The following ARMC8 variants were observed in gnomAD, a reference collection of about 807,000 sequenced individuals.
ARMC8 encodes the protein armadillo repeat containing 8.
ARMC8 carries 20 observed loss-of-function variants against 99.3 expected under a neutral mutation model. The observed-to-expected ratio is 0.20, with a 90% CI of 0.14 to 0.29. ARMC8 has a LOEUF of 0.29. ARMC8 is among the 10% of genes least tolerant of loss of function. The pLI is 1.00. For missense variants in ARMC8, 569 were observed against 809.5 expected (o/e 0.70, Z 3.60); for synonymous variants, 263 against 278.3 (o/e 0.95, Z 0.55).
rs80059501 is a variant in ARMC8 at position 138,191,150 on chromosome 3, C to T, written c.45+3551C>T. The stretch of plus-strand genomic sequence containing the variant: ...AGAGAGTAAATTAATTCAGAAGTAA[C>T]ACTTTGTCTTGCAAATCCTAGGTAC... On this transcript the variant is annotated intron_variant, in intron 1 of 21. Coordinates refer to ENST00000469044, the MANE Select transcript of ARMC8 (RefSeq NM_001363941.2). Among the ~76,000 whole-genome samples the T allele has an allele frequency of 4.7e-3, 719 of 152,270 alleles. 4 individuals carry two copies. Among genetic ancestry groups the T allele is most frequent in the Non-Finnish European group, 7.2e-3 (491 of 68,026 alleles).
rs78337961 is a variant in ARMC8 at position 138,213,568 on chromosome 3, A to T, written c.122+3675A>T. ...AGTCACTGTGTAGGTCATAAAGCGT[A>T]GCCTTCGCAACTACAACAGAAGTAG... On this transcript the variant is annotated intron_variant, in intron 2 of 21. Transcript: ENST00000469044. Among the ~76,000 whole-genome samples the T allele has an allele frequency of 1.7e-3, 261 of 152,306 alleles. 1 individual carries two copies. The highest frequency in any genetic ancestry group is 5.9e-3 in the African/African-American group (245 of 41,552).
chr3:138,296,558 AAAG>A lies in ARMC8; in HGVS notation c.*669_*671del, dbSNP rs2051505429. ...TCTTTATATAAAAAAAAAGAAAAAA[AAAG>A]AAAAAGTTGGCTATAGTTGGCCTGA... is the stretch of plus-strand genomic sequence containing the variant. On this transcript the variant is annotated 3_prime_UTR_variant, in exon 22 of 22. Coordinates refer to ENST00000469044, the MANE Select transcript of ARMC8 (RefSeq NM_001363941.2). 6.6e-6 allele frequency: 1 copy of A among 152,182 alleles called. No homozygotes were observed. Among genetic ancestry groups the A allele is most frequent in the Non-Finnish European group, 1.5e-5 (1 of 68,034 alleles). The allele number at this position is 152,182 out of a possible 1,614,324, so 9.4% of individuals were successfully genotyped here.
intron 7 of ARMC8, among the ~76,000 whole-genome samples, chr3:138,235,501 A>T (rs928638228): frequency 6.6e-6 from 1 of 152,228 alleles, no homozygotes; most frequent in Non-Finnish European, 1.5e-5. Flanking sequence ...TCCTGCATAT[A>T]CATCAGCATT....
intron 1 of ARMC8, among the ~76,000 whole-genome samples, chr3:138,202,705 G>C (rs906296810): frequency 2.0e-5 from 3 of 152,122 alleles, no homozygotes; most frequent in Non-Finnish European, 4.4e-5. Flanking sequence ...GTCTTCAAAT[G>C]CCAAATTATT....
intron 2 of ARMC8, among the ~76,000 whole-genome samples, chr3:138,216,247 A>G (rs568770368): frequency 5.3e-5 from 8 of 152,236 alleles, no homozygotes; most frequent in East Asian, 3.9e-4. Context: ...ATAAGAATGA[A>G]CTAAATTAAA....
intron 12 of ARMC8, among the ~76,000 whole-genome samples, chr3:138,254,697 A>C (rs1047879027): frequency 3.9e-5 from 6 of 152,168 alleles, no homozygotes; most frequent in African/African-American, 1.4e-4. Context: ...CAGTATAAGT[A>C]TTTCTGATGC....
chr3:138,246,825 G>T, intron 12 of ARMC8: 1 of 967,346 alleles, frequency 1.0e-6, no homozygotes, highest in Non-Finnish European at 1.2e-6. Context: ...TCCTGGTAAG[G>T]CTAACTCCTG....
intron 6 of ARMC8, 39 bp downstream of exon 6, chr3:138,229,049 T>C: frequency 1.4e-6 from 2 of 1,457,548 alleles, no homozygotes; most frequent in Non-Finnish European, 1.9e-6. Context: ...ATGTAAAATC[T>C]TATTATGCCT....
At chr3:138,236,537 G>A (rs1471376604) in intron 7 of ARMC8, among the ~76,000 whole-genome samples, 1 of 152,190 alleles carries the variant, frequency 6.6e-6, no homozygotes, top group Non-Finnish European at 1.5e-5. Context: ...TATTACCAAA[G>A]TGCCATTAAT....
chr3:138,197,708 C>T lies in ARMC8; in HGVS notation c.45+10109C>T, dbSNP rs538489455. The stretch of plus-strand genomic sequence containing the variant: ...GTGCTTTCCAGAGATAGTTCTTGCT[C>T]CCTTGGACTTTCAGATTATGCTGTC... On this transcript the variant is annotated intron_variant, in intron 1 of 21. Coordinates refer to ENST00000469044, the MANE Select transcript of ARMC8 (RefSeq NM_001363941.2). Among the ~76,000 whole-genome samples the T allele has an allele frequency of 1.1e-3, 171 of 152,246 alleles. 1 individual carries two copies. The highest frequency in any genetic ancestry group is 0.01 in the Middle Eastern group (3 of 294).
chr3:138,194,764 C>A (rs2043617373), intron 1 of ARMC8, among the ~76,000 whole-genome samples: 1 of 151,896 alleles, frequency 6.6e-6, no homozygotes, highest in Non-Finnish European at 1.5e-5. Context: ...CCTATAGCTA[C>A]TTAATGATTT....
chr3:138,196,079 C>T lies in ARMC8; in HGVS notation c.45+8480C>T, dbSNP rs1576577638. ...TCTTTACCACCTGGAAAGTAATTAT[C>T]GAACACATGCTTCTTTTGCCTTAGG... On this transcript the variant is annotated intron_variant, in intron 1 of 21. Transcript: ENST00000469044. Among the ~76,000 whole-genome samples, 3 of 152,270 alleles carry T rather than the reference C, an allele frequency of 2.0e-5. No individual in the cohort carries two copies. The South Asian group carries it at 6.2e-4, about 32-fold the overall frequency.
intron 14 of ARMC8, among the ~76,000 whole-genome samples, chr3:138,266,005 T>C (rs113568120): frequency 6.6e-6 from 1 of 151,936 alleles, no homozygotes; most frequent in Non-Finnish European, 1.5e-5. Context: ...ACACCAAGAG[T>C]TTTCTATTTT....
intron 19 of ARMC8, 24 bp downstream of exon 19, chr3:138,284,550 G>A (rs540950609): frequency 4.3e-5 from 65 of 1,529,366 alleles, no homozygotes; most frequent in African/African-American, 8.2e-5. Context: ...CCCTTTCACC[G>A]TAGGATTAGA....
chr3:138,282,587 G>A (rs954090235), intron 18 of ARMC8, among the ~76,000 whole-genome samples: 11 of 150,430 alleles, frequency 7.3e-5, no homozygotes, highest in Admixed American at 5.3e-4. Flanking sequence ...CAGAGGTTGC[G>A]GTGAGCCCAG....
chr3:138,229,167 T>TATATATATATACAC (rs1559957873), intron 6 of ARMC8, 157 bp downstream of exon 6: 11 of 56,582 alleles, frequency 1.9e-4, no homozygotes, highest in African/African-American at 6.2e-4. Context: ...TATATATATA[T>TATATATATATACAC]ATATATATAT....
At chr3:138,200,763 T>C (rs1203994100) in intron 1 of ARMC8, among the ~76,000 whole-genome samples, 1 of 152,174 alleles carries the variant, frequency 6.6e-6, no homozygotes. Flanking sequence ...GTGTATAGTA[T>C]AAGCACTTGG....
At chr3:138,274,582 T>C in intron 18 of ARMC8, 38 bp downstream of exon 18, 2 of 1,488,104 alleles carry the variant, frequency 1.3e-6, no homozygotes, top group Non-Finnish European at 1.9e-6. Flanking sequence ...ATTTTCTGAA[T>C]GTGAGCACAA....
chr3:138,284,565 AG>A, intron 19 of ARMC8, 39 bp downstream of exon 19: 1 of 1,423,826 alleles, frequency 7.0e-7, no homozygotes, highest in Non-Finnish European at 9.9e-7. Flanking sequence ...ATTAGAATGC[AG>A]GGACTGTTGC....
Sources: allele counts gnomAD v4.1 joint callset (sites outside exome capture counted in the v4.1 genomes callset), GRCh38; gene constraint gnomAD v4.1.1; transcripts MANE v1.5; gene names NCBI Gene and HGNC (gene_info 2026-07-23, HGNC 2026-07-21).